CFAP299: variants seen among roughly 807,000 people sequenced by gnomAD.
CFAP299 encodes cilia and flagella associated protein 299.
A neutral mutation model predicts 27.0 loss-of-function variants in CFAP299; 21 were observed. The ratio of observed to expected loss-of-function variants is 0.78; its 90% CI spans 0.55 to 1.12. The LOEUF (loss-of-function observed/expected upper bound fraction) is 1.12, where lower values mean the gene tolerates loss of function less well. CFAP299 is among the 50% of genes most tolerant of loss of function. CFAP299 has a pLI of 0.00. For missense variants in CFAP299, 310 were observed against 276.6 expected (o/e 1.12, Z -0.86); for synonymous variants, 104 against 98.1 (o/e 1.06, Z -0.36).
intron 5 of CFAP299, among the ~76,000 whole-genome samples, chr4:80,954,568 T>C (rs965463982): frequency 1.3e-5 from 2 of 151,198 alleles, no homozygotes; most frequent in Admixed American, 6.6e-5. Context: ...GAAGCAAGAG[T>C]GGAAAAGAAA....
At chr4:80,932,781 C>T (rs1736686408) in intron 4 of CFAP299, among the ~76,000 whole-genome samples, 1 of 152,086 alleles carries the variant, frequency 6.6e-6, no homozygotes, top group Non-Finnish European at 1.5e-5. Flanking sequence ...GGTGTGGAGA[C>T]CACACATCTG....
At chr4:80,547,170 A>G (rs1041161672) in intron 2 of CFAP299, among the ~76,000 whole-genome samples, 7 of 152,146 alleles carry the variant, frequency 4.6e-5, no homozygotes, top group Admixed American at 1.3e-4. Flanking sequence ...GTACTCATAT[A>G]AAAACAGACA....
chr4:80,859,518 C>A (rs148080486), intron 3 of CFAP299, among the ~76,000 whole-genome samples: 8,221 of 152,074 alleles, frequency 0.054, 434 homozygotes, highest in African/African-American at 0.13. Flanking sequence ...ATGGTCTTTA[C>A]ATTTTGGCAT....
At chr4:80,523,709 T>C (rs1411050298) in intron 2 of CFAP299, among the ~76,000 whole-genome samples, 2 of 152,184 alleles carry the variant, frequency 1.3e-5, no homozygotes, top group Non-Finnish European at 2.9e-5. Context: ...TTCTCAGGAC[T>C]TAGCATTTAG....
At chr4:80,378,022 T>C (rs1383123812) in intron 2 of CFAP299, among the ~76,000 whole-genome samples, 1 of 152,130 alleles carries the variant, frequency 6.6e-6, no homozygotes, top group East Asian at 1.9e-4. Context: ...GAAAGATTGG[T>C]CCCCATGATT....
chr4:80,583,110 G>T lies in CFAP299; in HGVS notation c.260G>T (p.Gly87Val). 1.2e-6 allele frequency: 2 copies of T among 1,603,370 alleles called. No individual in the cohort carries two copies. The highest frequency in any genetic ancestry group is 1.7e-6 in the Non-Finnish European group (2 of 1,173,258). The change falls in exon 3 of 6, where the codon GGT becomes GTT. Residue 87 changes from glycine to valine, a missense_variant. Transcript: ENST00000358105. ...RAQQKTLTSA[G>V]KDLQDNFLTA... Reference sequence around the variant, plus strand: ...TTTTACAGGACGCTAACAAGTGCTGGTAAAGACCTACAAGATAATTTTCTG... The same window carrying T: ...TTTTACAGGACGCTAACAAGTGCTGTTAAAGACCTACAAGATAATTTTCTG...
At chr4:80,819,817 T>C (rs1729608945) in intron 3 of CFAP299, among the ~76,000 whole-genome samples, 1 of 152,152 alleles carries the variant, frequency 6.6e-6, no homozygotes, top group Non-Finnish European at 1.5e-5. Context: ...AGCCTTATAT[T>C]AAGTTTAGAC....
intron 4 of CFAP299, among the ~76,000 whole-genome samples, chr4:80,886,143 A>G (rs1016805039): frequency 4.6e-5 from 7 of 152,228 alleles, no homozygotes; most frequent in African/African-American, 1.7e-4. Context: ...AAGGAAGAGC[A>G]GGAATCACTT....
chr4:80,825,237 A>T (rs940321235), intron 3 of CFAP299, among the ~76,000 whole-genome samples: 1 of 151,916 alleles, frequency 6.6e-6, no homozygotes, highest in African/African-American at 2.4e-5. Context: ...AAGAAAAAAA[A>T]TGATTGAAAA....
At chr4:80,643,952 A>G (rs1047200126) in intron 3 of CFAP299, among the ~76,000 whole-genome samples, 3 of 152,184 alleles carry the variant, frequency 2.0e-5, no homozygotes, top group Non-Finnish European at 4.4e-5. Flanking sequence ...TATATGAGAT[A>G]TTGATTTCTA....
chr4:80,607,717 G>A (rs1369227516), intron 3 of CFAP299, among the ~76,000 whole-genome samples: 1 of 152,210 alleles, frequency 6.6e-6, no homozygotes, highest in African/African-American at 2.4e-5. Flanking sequence ...GCTGCAGACT[G>A]AAAGCTATGT....
chr4:80,514,800 T>C (rs1320860685), intron 2 of CFAP299, among the ~76,000 whole-genome samples: 3 of 152,088 alleles, frequency 2.0e-5, no homozygotes. Flanking sequence ...GAGAAAAGCA[T>C]GGCCACTTCA....
At chr4:80,605,859 A>G (rs1737638945) in intron 3 of CFAP299, among the ~76,000 whole-genome samples, 1 of 151,822 alleles carries the variant, frequency 6.6e-6, no homozygotes, top group South Asian at 2.1e-4. Context: ...TTTTTTTAAC[A>G]GTCTGAGTTT....
intron 1 of CFAP299, chr4:80,336,491 T>C (rs1560518058): frequency 1.3e-5 from 2 of 152,452 alleles, no homozygotes; most frequent in East Asian, 3.9e-4. Flanking sequence ...AGTAAAAATA[T>C]ACACACAAAA....
chr4:80,418,957 G>A (rs924734642), intron 2 of CFAP299, among the ~76,000 whole-genome samples: 1 of 152,054 alleles, frequency 6.6e-6, no homozygotes, highest in Non-Finnish European at 1.5e-5. Context: ...GATAAGCATG[G>A]GAGTGCAGAT....
intron 2 of CFAP299, among the ~76,000 whole-genome samples, chr4:80,499,591 A>T (rs771658740): frequency 5.9e-5 from 9 of 152,006 alleles, no homozygotes; most frequent in Non-Finnish European, 1.0e-4. Flanking sequence ...TTTTAACAGG[A>T]TCTACTTAGA....
intron 3 of CFAP299, among the ~76,000 whole-genome samples, chr4:80,733,653 C>G (rs1023393729): frequency 1.3e-5 from 2 of 152,048 alleles, no homozygotes; most frequent in African/African-American, 4.8e-5. Flanking sequence ...TTCCTCTAAT[C>G]TCAATCTCCA....
intron 3 of CFAP299, among the ~76,000 whole-genome samples, chr4:80,821,941 C>T (rs1729730653): frequency 6.6e-6 from 1 of 151,896 alleles, no homozygotes; most frequent in African/African-American, 2.4e-5. Context: ...AGAAGTCTAC[C>T]ATGGACTCTC....
At chr4:80,386,640 A>T (rs1725022409) in intron 2 of CFAP299, 1 of 1,596,292 alleles carries the variant, frequency 6.3e-7, no homozygotes, top group Non-Finnish European at 8.6e-7. Context: ...AACTTGTAGT[A>T]GCCCGTGTGG....
Sources: allele counts gnomAD v4.1 joint callset (sites outside exome capture counted in the v4.1 genomes callset), GRCh38; gene constraint gnomAD v4.1.1; transcripts MANE v1.5; gene names NCBI Gene and HGNC (gene_info 2026-07-23, HGNC 2026-07-21).